The following WWC1 variants were observed in gnomAD, a reference collection of about 807,000 sequenced individuals.
WWC1 encodes the protein WW and C2 domain containing 1.
Under a neutral mutation model 138.4 loss-of-function variants are expected in WWC1, and 55 were observed. The ratio of observed to expected loss-of-function variants is 0.40; its 90% CI spans 0.32 to 0.50. The LOEUF (loss-of-function observed/expected upper bound fraction) is 0.50, where lower values mean the gene tolerates loss of function less well. Among genes scored for constraint, WWC1 ranks in the 20% least tolerant of loss-of-function variants. WWC1 has a pLI of 0.72. For synonymous variants in WWC1, 524 were observed against 564.9 expected, an observed-to-expected ratio of 0.93 and a Z score of 1.03; for missense variants, 1,226 against 1,420.4, an observed-to-expected ratio of 0.86 and a Z score of 2.20.
intron 16 of WWC1, 139 bp from the exon 17 acceptor site, chr5:168,444,355 G>A (rs1017550736): frequency 1.3e-6 from 1 of 786,826 alleles, no homozygotes. Flanking sequence ...GTGACCTTGG[G>A]CAAGACACTT....
chr5:168,293,235 G>C (rs1435826827), intron 1 of WWC1, among the ~76,000 whole-genome samples: 1 of 152,168 alleles, frequency 6.6e-6, no homozygotes, highest in Non-Finnish European at 1.5e-5. Flanking sequence ...CTCCATGTAT[G>C]TCCTAGAGTC....
intron 2 of WWC1, among the ~76,000 whole-genome samples, chr5:168,381,640 C>G (rs1241731896): frequency 1.3e-5 from 2 of 151,970 alleles, no homozygotes; most frequent in Non-Finnish European, 2.9e-5. Context: ...ACCAGGGGCT[C>G]TCAGCTATAT....
chr5:168,300,897 G>A (rs1770006963), intron 1 of WWC1, among the ~76,000 whole-genome samples: 1 of 152,204 alleles, frequency 6.6e-6, no homozygotes, highest in Non-Finnish European at 1.5e-5. Flanking sequence ...AGGATGAGAT[G>A]ACCCTGGGAC....
At chr5:168,430,443 T>C (rs1561755291) in intron 14 of WWC1, among the ~76,000 whole-genome samples, 1 of 152,156 alleles carries the variant, frequency 6.6e-6, no homozygotes, top group Non-Finnish European at 1.5e-5. Context: ...TCTAGATGAC[T>C]GTGTGAATTC....
chr5:168,441,534 G>A (rs754319703), intron 15 of WWC1, 148 bp from the exon 16 acceptor site: 12 of 633,484 alleles, frequency 1.9e-5, no homozygotes, highest in Non-Finnish European at 3.1e-5. Context: ...AATTGGAAAT[G>A]TTAACAACTT....
intron 1 of WWC1, among the ~76,000 whole-genome samples, chr5:168,300,471 A>G (rs1027100260): frequency 7.6e-5 from 10 of 131,120 alleles, no homozygotes; most frequent in Admixed American, 4.1e-4. Flanking sequence ...TGCCTGCTCA[A>G]TGCTTCTACC....
At chr5:168,329,219 C>T (rs1561615983) in intron 1 of WWC1, among the ~76,000 whole-genome samples, 1 of 152,152 alleles carries the variant, frequency 6.6e-6, no homozygotes, top group East Asian at 1.9e-4. Flanking sequence ...TGAGCAGGGA[C>T]CTGTAGTTTT....
rs925911553 is a variant in WWC1 at position 168,292,333 on chromosome 5, G to A, written c.119+62G>A. ...CCCGCCTGGGCCCCCACCTGCCCCTGGAGCCGCCGGCCGGGACTGGGAGGG... is the reference window on the plus strand; with the variant it reads ...CCCGCCTGGGCCCCCACCTGCCCCTAGAGCCGCCGGCCGGGACTGGGAGGG... On this transcript the variant is annotated intron_variant, in intron 1 of 22. Coordinates refer to ENST00000265293, the MANE Select transcript of WWC1 (RefSeq NM_015238.3). This position sits in a 1 kb window ranked among gnomAD's most constrained non-coding sequence, Gnocchi z 4.4. 1 of 1,525,666 alleles carries A rather than the reference G, an allele frequency of 6.6e-7. No homozygotes were observed. The highest frequency in any genetic ancestry group is 8.8e-7 in the Non-Finnish European group (1 of 1,134,752). The allele number at this position is 1,525,666 out of a possible 1,614,324, so 94.5% of individuals were successfully genotyped here. A position where few individuals can be genotyped will look rare whatever the true frequency, so the allele number is the denominator to read the frequency against.
At chr5:168,455,287 G>A (rs1018993294) in intron 18 of WWC1, 69 bp from the exon 19 acceptor site, 3 of 1,493,680 alleles carry the variant, frequency 2.0e-6, no homozygotes, top group Admixed American at 4.9e-5. Flanking sequence ...AGGAGCAGCT[G>A]AGTGGTCTCT....
At chr5:168,365,906 G>C (rs913809560) in intron 1 of WWC1, among the ~76,000 whole-genome samples, 7 of 152,210 alleles carry the variant, frequency 4.6e-5, no homozygotes, top group African/African-American at 1.7e-4. Flanking sequence ...TGGGGTTTTC[G>C]GCAGCCCGAG....
rs1247634656 is a variant in WWC1 at position 168,415,516 on chromosome 5, G to A, written c.1184+926G>A. The stretch of plus-strand genomic sequence containing the variant: ...CACATTGCACCGAATGCAACACTGC[G>A]TTCACCATAGGCTTTACAAAGCTCT... On this transcript the variant is annotated intron_variant, in intron 9 of 22. Transcript: ENST00000265293. The A allele has an allele frequency of 3.3e-5, 5 of 152,086 alleles. No individual in the cohort carries two copies. The South Asian group carries it at 6.3e-4, about 19-fold the overall frequency. The allele number at this position is 152,086 out of a possible 1,614,324, so 9.4% of individuals were successfully genotyped here. A position where few individuals can be genotyped will look rare whatever the true frequency, so the allele number is the denominator to read the frequency against.
rs901979167 is a variant in WWC1, at chr5:168,291,668, T to G, written c.-485T>G. ...CCGTTTCCGGGGCAGCGCGGTTACC[T>G]GCACCGCCCGAGCCGCACCTGGCGG... On this transcript the variant is annotated 5_prime_UTR_variant, in exon 1 of 23. Transcript: ENST00000265293. The G allele has an allele frequency of 6.6e-6, 1 of 151,822 alleles. No individual in the cohort carries two copies. The highest frequency in any genetic ancestry group is 2.4e-5 in the African/African-American group (1 of 41,386). 9.4% of individuals were successfully genotyped at this position (151,822 alleles called of 1,614,324 possible).
At chr5:168,391,734 G>GAA (rs70976480) in intron 3 of WWC1, among the ~76,000 whole-genome samples, 77,120 of 130,378 alleles carry the variant, frequency 0.59, 23,390 homozygotes, top group African/African-American at 0.68. Context: ...AAAACTAGGA[G>GAA]TATCAGATAA....
intron 11 of WWC1, among the ~76,000 whole-genome samples, chr5:168,427,112 C>G (rs1021876971): frequency 6.6e-5 from 10 of 152,220 alleles, no homozygotes; most frequent in Non-Finnish European, 1.5e-4. Context: ...TCTCCCTTCT[C>G]TGTCCTGAGG....
intron 1 of WWC1, among the ~76,000 whole-genome samples, chr5:168,352,331 T>A (rs1160421813): frequency 6.6e-6 from 1 of 152,230 alleles, no homozygotes; most frequent in Non-Finnish European, 1.5e-5. Flanking sequence ...CTGCTGTGCT[T>A]CAGGTTTATC....
intron 11 of WWC1, 134 bp downstream of exon 11, chr5:168,424,202 A>T (rs1317739145): frequency 8.7e-7 from 1 of 1,148,528 alleles, no homozygotes; most frequent in African/African-American, 1.6e-5. Flanking sequence ...TATGGCAAGT[A>T]TATTTATTCA....
chr5:168,335,965 G>T (rs1038566950), intron 1 of WWC1, among the ~76,000 whole-genome samples: 1 of 152,198 alleles, frequency 6.6e-6, no homozygotes, highest in African/African-American at 2.4e-5. Context: ...CAAATCGCTT[G>T]TCCTCTCTGG....
At chr5:168,373,584 T>G (rs1366207411) in intron 2 of WWC1, among the ~76,000 whole-genome samples, 2 of 151,908 alleles carry the variant, frequency 1.3e-5, no homozygotes, top group Admixed American at 6.6e-5. Context: ...GAAATTCTCT[T>G]AAGAGTTATA....
Position 168,296,794 on chromosome 5 carries a change from C to T in WWC1, c.119+4523C>T, listed in dbSNP as rs545716127. Among the ~76,000 whole-genome samples, 11 of 152,276 alleles carry T rather than the reference C, an allele frequency of 7.2e-5. No individual in the cohort carries two copies. The East Asian group carries it at 1.2e-3, about 16-fold the overall frequency. On this transcript the variant is annotated intron_variant, in intron 1 of 22. Transcript: ENST00000265293. ...GTGGAGCTGTGATGTGAATACTAGG[C>T]GGGCTCACACCAGAACACACATTTC...
Sources: allele counts gnomAD v4.1 joint callset (sites outside exome capture counted in the v4.1 genomes callset), GRCh38; gene constraint gnomAD v4.1.1; non-coding constraint Gnocchi (gnomAD v3.1); transcripts MANE v1.5; gene names NCBI Gene and HGNC (gene_info 2026-07-23, HGNC 2026-07-21).